AURKC: variants seen among roughly 807,000 people sequenced by gnomAD.
AURKC encodes the protein ARK-3.
In AURKC, 15 loss-of-function variants were observed where a neutral mutation model predicts 29.2. The ratio of observed to expected loss-of-function variants is 0.51; its 90% confidence interval spans 0.34 to 0.79. The LOEUF is 0.79. Among genes scored for constraint, AURKC ranks in the 30% least tolerant of loss-of-function variants. AURKC has a pLI of 0.01. For synonymous variants in AURKC, 150 were observed against 149.9 expected, an observed-to-expected ratio of 1.00 and a Z score of -0.01; for missense variants, 332 against 383.2, an observed-to-expected ratio of 0.87 and a Z score of 1.12.
rs1444387230 is a variant in AURKC, at chr19:57,234,145, C to A, written c.584+537C>A. Among the ~76,000 whole-genome samples the A allele has an allele frequency of 2.0e-5, 3 of 147,148 alleles. No individual in the cohort carries two copies. The East Asian group carries it at 6.0e-4, about 29-fold the overall frequency. On this transcript the variant is annotated intron_variant, in intron 5 of 6. Transcript: ENST00000302804. ...TGATCTCGGCTCACTGCAACCTCCC[C>A]CTCCCAGGTTCAAGCGATTCTCCTG...
At position 57,232,750 on chromosome 19, in the gene AURKC, C is replaced by T; in HGVS notation, c.435+70C>T. The T allele has an allele frequency of 6.2e-7, 1 of 1,602,870 alleles. No individual in the cohort carries two copies. The highest frequency in any genetic ancestry group is 1.7e-5 in the Admixed American group (1 of 59,922). The stretch of plus-strand genomic sequence containing the variant: ...GGGCTGGTGGGAGCTCTGTTTGTGG[C>T]TGTCAGGAGGGTCCGCATTGCCTTC... On this transcript the variant is annotated intron_variant, in intron 4 of 6. Transcript: ENST00000302804. This position sits in a 1 kb window ranked among gnomAD's most constrained non-coding sequence, Gnocchi z 4.5.
chr19:57,232,284 A>G lies in AURKC; in HGVS notation c.296+60A>G. 1.3e-6 allele frequency: 2 copies of G among 1,592,674 alleles called. No individual in the cohort carries two copies. On this transcript the variant is annotated intron_variant, in intron 3 of 6. Transcript: ENST00000302804. The surrounding 1 kb of genome is among the most constrained non-coding windows in gnomAD (Gnocchi z 4.5). The stretch of plus-strand genomic sequence containing the variant: ...ACGTCTGAGCCCAGCATTTTCCCCA[A>G]ATACTAACCCCAAGTAAACCCTGCA...
intron 5 of AURKC, among the ~76,000 whole-genome samples, chr19:57,234,124 C>G (rs1285007310): frequency 2.5e-5 from 3 of 120,316 alleles, no homozygotes; most frequent in Non-Finnish European, 5.0e-5. Flanking sequence ...ATAGTGTGAT[C>G]TCGGCTCACT....
chr19:57,233,477 A>G lies in AURKC; in HGVS notation c.453A>G (p.Ala151=), dbSNP rs144877758. ...ACCCACAGATAATAGAGGAGTTGGC[A>G]GATGCCCTGACCTACTGCCATGACA... is the stretch of plus-strand genomic sequence containing the variant. ...QRTATIIEEL[A]DALTYCHDKK... Residue 151 remains alanine (A), a synonymous_variant, in exon 5 of 7, where the codon GCA becomes GCG. Transcript: ENST00000302804. 11 of 1,614,106 alleles carry G rather than the reference A, an allele frequency of 6.8e-6. No homozygotes were observed. The African/African-American group carries it at 1.3e-4, about 20-fold the overall frequency.
At chr19:57,231,401 C>A in intron 1 of AURKC, 95 bp downstream of exon 1, 1 of 1,336,044 alleles carries the variant, frequency 7.5e-7, no homozygotes. Context: ...ATCTCCCCTC[C>A]CTCTCCTCCT....
intron 4 of AURKC, among the ~76,000 whole-genome samples, chr19:57,233,121 T>C (rs962529148): frequency 2.0e-5 from 3 of 152,244 alleles, no homozygotes; most frequent in Admixed American, 6.5e-5. Context: ...ATGAGTGGTC[T>C]TCCATCTTTC....
At chr19:57,231,556 C>G (rs1222495921) in intron 1 of AURKC, 186 bp from the exon 2 acceptor site, 1 of 775,334 alleles carries the variant, frequency 1.3e-6, no homozygotes, top group Non-Finnish European at 2.1e-6. Flanking sequence ...CTTACTCTTT[C>G]TTCTTCCCCT....
rs1257760488 is a variant in AURKC at position 57,231,295 on chromosome 19, C to A, written c.47C>A (p.Ala16Glu). 4 of 1,553,256 alleles carry A rather than the reference C, an allele frequency of 2.6e-6. No individual in the cohort carries two copies. Among genetic ancestry groups the A allele is most frequent in the Middle Eastern group, 1.7e-4 (1 of 5,990 alleles). ...GTGCAGCTGGGCAAAGCTCAACCTG[C>A]AGGCGAAGAGTGTGAGAGCCAGCGC... ...AVVQLGKAQP[A>E]GEELATANQT... The change falls in exon 1 of 7, where the codon GCA becomes GAA. Residue 16 changes from alanine to glutamate, a missense_variant. Physicochemically the swap from Ala to Glu is moderately radical, Grantham distance 107. Transcript: ENST00000302804.
Position 57,232,217 on chromosome 19 carries a change from C to T in AURKC, c.289C>T (p.His97Tyr). 1.2e-6 allele frequency: 2 copies of T among 1,613,954 alleles called. No homozygotes were observed. Among genetic ancestry groups the T allele is most frequent in the Non-Finnish European group, 1.7e-6 (2 of 1,180,030 alleles). The change falls in exon 3 of 7, where the codon CAT becomes TAT. Residue 97 changes from histidine to tyrosine, a missense_variant. His to Tyr is a moderately conservative substitution (Grantham distance 83). Transcript: ENST00000302804. This position sits in a 1 kb window ranked among gnomAD's most constrained non-coding sequence, Gnocchi z 4.5. ...GCGCCGGGAAATTGAGATCCAGGCTCATCTACAGTAAGGACAGTCTCTGCT... is the reference window on the plus strand; with the variant it reads ...GCGCCGGGAAATTGAGATCCAGGCTTATCTACAGTAAGGACAGTCTCTGCT... ...QLRREIEIQA[H>Y]LQHPNILRLY...
Position 57,235,460 on chromosome 19 carries a change from C to G in AURKC, c.*43C>G. 1 of 1,608,898 alleles carries G rather than the reference C, an allele frequency of 6.2e-7. No individual in the cohort carries two copies. Among genetic ancestry groups the G allele is most frequent in the Non-Finnish European group, 8.5e-7 (1 of 1,177,030 alleles). ...TCCCTTTGTGTGTGTTCAGGGAGCT[C>G]TCCTGGCTCTGCCACCTCATTTGTC... On this transcript the variant is annotated 3_prime_UTR_variant, in exon 7 of 7. Coordinates refer to ENST00000302804, the MANE Select transcript of AURKC (RefSeq NM_001015878.2).
intron 5 of AURKC, among the ~76,000 whole-genome samples, chr19:57,234,635 A>T (rs543876077): frequency 1.8e-4 from 28 of 152,196 alleles, no homozygotes; most frequent in Non-Finnish European, 3.8e-4. Context: ...TATTCTTGTG[A>T]AAACATTCTG....
Position 57,233,603 on chromosome 19 carries a change from C to T in AURKC, c.579C>T (p.Ser193=). 2 of 1,613,632 alleles carry T rather than the reference C, an allele frequency of 1.2e-6. No homozygotes were observed. Among genetic ancestry groups the T allele is most frequent in the Non-Finnish European group, 8.5e-7 (1 of 1,179,980 alleles). ...TTGGCTGGTCTGTGCACACCCCCTCCCTGAGGTAGGTCAGGTGGTGGTGGT... is the reference window on the plus strand; with the variant it reads ...TTGGCTGGTCTGTGCACACCCCCTCTCTGAGGTAGGTCAGGTGGTGGTGGT... The part of the protein sequence containing the change: ...ADFGWSVHTP[S]LRRKTMCGTL... The change falls in exon 5 of 7, where the codon TCC becomes TCT. Residue 193 remains serine (S), a synonymous_variant. Coordinates refer to ENST00000302804, the MANE Select transcript of AURKC (RefSeq NM_001015878.2).
Position 57,232,179 on chromosome 19 carries a change from T to G in AURKC, c.251T>G (p.Leu84Arg). Residue 84 changes from leucine (L) to arginine (R), a missense_variant, in exon 3 of 7, where the codon CTG becomes CGG. Transcript: ENST00000302804. This position sits in a 1 kb window ranked among gnomAD's most constrained non-coding sequence, Gnocchi z 4.5. Reference protein sequence around the residue: ...LFKSQIEKEGLEHQLRREIEI... With the variant: ...LFKSQIEKEGREHQLRREIEI... ...AAGTCGCAGATAGAGAAGGAAGGAC[T>G]GGAGCACCAGCTGCGCCGGGAAATT... The G allele has an allele frequency of 6.2e-7, 1 of 1,614,068 alleles. No homozygotes were observed. Among genetic ancestry groups the G allele is most frequent in the South Asian group, 1.1e-5 (1 of 91,070 alleles).
In AURKC at chr19:57,232,070, C is replaced by T; in HGVS notation, c.142C>T (p.Pro48Ser). ...AGTCGATGACTTTGAAATCGGGCGT[C>T]CCCTGGGCAAGGGGAAATTTGGGAA... ...LTVDDFEIGRPLGKGKFGNVY... is the reference protein window; with the variant it reads ...LTVDDFEIGRSLGKGKFGNVY... The change falls in exon 3 of 7, where the codon CCC (proline) becomes TCC (serine). Residue 48 changes from proline (P) to serine (S), a missense_variant. Pro to Ser is a moderately conservative substitution (Grantham distance 74, BLOSUM62 -1). Transcript: ENST00000302804. This position sits in a 1 kb window ranked among gnomAD's most constrained non-coding sequence, Gnocchi z 4.5. 6.2e-7 allele frequency: 1 copy of T among 1,613,808 alleles called. No homozygotes were observed. Among genetic ancestry groups the T allele is most frequent in the South Asian group, 1.1e-5 (1 of 91,080 alleles).
rs777999940 is a variant in AURKC, at chr19:57,235,347, T to A, written c.860T>A (p.Ile287Asn). 7.4e-6 allele frequency: 12 copies of A among 1,614,148 alleles called. No homozygotes were observed. In the South Asian group the frequency reaches 1.3e-4, roughly 18 times the overall value. The stretch of plus-strand genomic sequence containing the variant: ...TTGGAGAGACTGCCCCTGGCCCAGA[T>A]CCTGAAGCACCCCTGGGTTCAGGCC... ...QPLERLPLAQILKHPWVQAHS... is the reference protein window; with the variant it reads ...QPLERLPLAQNLKHPWVQAHS... The change falls in exon 7 of 7, where the codon ATC becomes AAC. Residue 287 changes from isoleucine (I) to asparagine (N), a missense_variant. Coordinates refer to ENST00000302804, the MANE Select transcript of AURKC (RefSeq NM_001015878.2).
chr19:57,233,678 A>C, intron 5 of AURKC, 70 bp downstream of exon 5: 166 of 1,596,966 alleles, frequency 1.0e-4, no homozygotes, highest in Non-Finnish European at 1.2e-4. Flanking sequence ...AATGTATTTC[A>C]TGTGTCCATG....
chr19:57,234,782 G>T (rs1411856320), intron 5 of AURKC, 102 bp from the exon 6 acceptor site: 2 of 1,422,192 alleles, frequency 1.4e-6, no homozygotes, highest in Admixed American at 3.8e-5. Flanking sequence ...GACTTTCCAG[G>T]GTGTCCTAGG....
chr19:57,233,267 C>T (rs1348912274), intron 4 of AURKC, among the ~76,000 whole-genome samples, 193 bp from the exon 5 acceptor site: 1 of 152,146 alleles, frequency 6.6e-6, no homozygotes, highest in Non-Finnish European at 1.5e-5. Flanking sequence ...ACCATCCATC[C>T]TATAAGACCA....
Position 57,234,889 on chromosome 19 carries a change from A to AAG in AURKC, c.590_591insAG (p.Thr198GlyfsTer14), listed in dbSNP as rs1271769500. 6.2e-7 allele frequency: 1 copy of AAG among 1,614,160 alleles called. No homozygotes were observed. Among genetic ancestry groups the AAG allele is most frequent in the Non-Finnish European group, 8.5e-7 (1 of 1,180,026 alleles). On this transcript the variant is annotated frameshift_variant, in exon 6 of 7. Coordinates refer to ENST00000302804, the MANE Select transcript of AURKC (RefSeq NM_001015878.2). LOFTEE classifies it high-confidence loss of function. ...CCTTTTCTGCCTTCCTCTAGGAGGAAGACAATGTGTGGGACACTGGACTAC... is the reference window on the plus strand; with the variant it reads ...CCTTTTCTGCCTTCCTCTAGGAGGAAAGGACAATGTGTGGGACACTGGACTAC...
Sources: gnomAD v4.1 joint callset for allele counts (sites outside exome capture counted in the v4.1 genomes callset) on GRCh38, gnomAD v4.1.1 for gene constraint, Gnocchi (gnomAD v3.1) non-coding constraint, MANE v1.5 for transcripts, NCBI Gene and HGNC (gene_info 2026-07-23, HGNC 2026-07-21) for gene names.